Variants in PTPRD observed in about 807,000 individuals in gnomAD.
PTPRD encodes receptor-type tyrosine-protein phosphatase delta.
PTPRD carries 34 observed loss-of-function variants against 214.5 expected under a neutral mutation model. The observed-to-expected ratio is 0.16, with a 90% CI of 0.12 to 0.21. The LOEUF (loss-of-function observed/expected upper bound fraction) is 0.21, where lower values mean the gene tolerates loss of function less well. PTPRD is among the 10% of genes least tolerant of loss of function. PTPRD has a pLI of 1.00. For missense variants in PTPRD, 2,545 were observed against 2,398.7 expected (o/e 1.06, Z -1.27); for synonymous variants, 1,128 against 845.7 (o/e 1.33, Z -5.79).
intron 3 of PTPRD, among the ~76,000 whole-genome samples, chr9:10,260,466 G>A (rs1331467602): frequency 1.3e-5 from 2 of 152,094 alleles, no homozygotes; most frequent in African/African-American, 4.8e-5. Context: ...GGTCTTCCAA[G>A]TCAACATTTT....
At chr9:8,405,854 AC>A (rs1319723343) in intron 35 of PTPRD, among the ~76,000 whole-genome samples, 8 of 152,060 alleles carry the variant, frequency 5.3e-5, no homozygotes, top group Non-Finnish European at 7.4e-5. Flanking sequence ...AGTAAAACAT[AC>A]CCCCAACAGC....
chr9:9,890,374 T>C (rs2072844961), intron 5 of PTPRD, among the ~76,000 whole-genome samples: 1 of 151,856 alleles, frequency 6.6e-6, no homozygotes, highest in South Asian at 2.1e-4. Context: ...TTTTTTGAAT[T>C]TTTTATAGAG....
At chr9:10,069,116 G>T (rs1310168605) in intron 3 of PTPRD, among the ~76,000 whole-genome samples, 2 of 151,914 alleles carry the variant, frequency 1.3e-5, no homozygotes, top group African/African-American at 4.8e-5. Flanking sequence ...TCACAAAATG[G>T]CTTTCATCAT....
chr9:9,693,672 A>C (rs1489755403), intron 7 of PTPRD, among the ~76,000 whole-genome samples: 1 of 152,176 alleles, frequency 6.6e-6, no homozygotes, highest in African/African-American at 2.4e-5. Flanking sequence ...CCCTTCGAAT[A>C]AACTTTCTAC....
intron 9 of PTPRD, among the ~76,000 whole-genome samples, chr9:9,263,658 A>G (rs1328900639): frequency 6.6e-6 from 1 of 151,716 alleles, no homozygotes; most frequent in East Asian, 2.0e-4. Flanking sequence ...TAAAGTCATC[A>G]TATTGAAATT....
chr9:10,406,871 T>G (rs73404302), intron 2 of PTPRD, among the ~76,000 whole-genome samples: 6,464 of 151,640 alleles, frequency 0.043, 469 homozygotes, highest in African/African-American at 0.14. Context: ...AGGATCCCTG[T>G]GGTGAGTGGA....
In PTPRD at chr9:10,258,999, T is replaced by A. The variant is rs140154000; in HGVS notation, c.-545+81964A>T. Among the ~76,000 whole-genome samples, 123 of 152,192 alleles carry A rather than the reference T, an allele frequency of 8.1e-4. 2 individuals are homozygous for A. In the East Asian group the frequency reaches 0.023, roughly 29 times the overall value. On this transcript the variant is annotated intron_variant, in intron 3 of 45. Coordinates refer to ENST00000381196, the MANE Select transcript of PTPRD (RefSeq NM_002839.4). ...ATCTGTTTCTGTTGTTGTTGTTGTT[T>A]GTTTCTTTTGTTTTGTTTTGTTTTT...
At chr9:9,464,754 C>T (rs959973970) in intron 8 of PTPRD, among the ~76,000 whole-genome samples, 5 of 152,036 alleles carry the variant, frequency 3.3e-5, no homozygotes, top group Admixed American at 6.6e-5. Flanking sequence ...CAATGAGTAC[C>T]TTTTTATTTA....
At chr9:10,397,453 T>C (rs540209595) in intron 2 of PTPRD, among the ~76,000 whole-genome samples, 47 of 152,100 alleles carry the variant, frequency 3.1e-4, no homozygotes, top group African/African-American at 9.6e-4. Context: ...CCTTTTGTTT[T>C]TGGAGAGGGA....
At chr9:9,143,070 T>C (rs2099862990) in intron 10 of PTPRD, among the ~76,000 whole-genome samples, 2 of 152,140 alleles carry the variant, frequency 1.3e-5, no homozygotes, top group South Asian at 2.1e-4. Context: ...CTCTCACCCG[T>C]CTGGATGGTA....
intron 14 of PTPRD, among the ~76,000 whole-genome samples, chr9:8,585,754 A>C (rs1050301568): frequency 1.3e-5 from 2 of 152,226 alleles, no homozygotes; most frequent in Non-Finnish European, 2.9e-5. Context: ...AATTGCATTG[A>C]AAAAATGCTT....
intron 3 of PTPRD, among the ~76,000 whole-genome samples, chr9:10,332,904 T>C (rs2096777381): frequency 6.6e-6 from 1 of 151,862 alleles, no homozygotes; most frequent in Non-Finnish European, 1.5e-5. Flanking sequence ...TTCCAAGCTC[T>C]ACTGATCACC....
intron 3 of PTPRD, among the ~76,000 whole-genome samples, chr9:10,062,833 T>C (rs1339648344): frequency 1.3e-5 from 2 of 152,060 alleles, no homozygotes; most frequent in Non-Finnish European, 2.9e-5. Flanking sequence ...TTCTGAGTCA[T>C]GCCAGCTCAA....
rs926871711 is a variant in PTPRD at position 9,160,708 on chromosome 9, T to C, written c.-143+22596A>G. 1.8e-4 allele frequency among the ~76,000 whole-genome samples: 27 copies of C among 152,284 alleles called. No homozygotes were observed. In the South Asian group the frequency reaches 5.6e-3, roughly 32 times the overall value. On this transcript the variant is annotated intron_variant, in intron 10 of 45. Coordinates refer to ENST00000381196, the MANE Select transcript of PTPRD (RefSeq NM_002839.4). Reference sequence around the variant, plus strand: ...TACATTCAAAGGAATTAAAACAATATGTTAAAGGGATATCTGCATGCTCAT... The same window carrying C: ...TACATTCAAAGGAATTAAAACAATACGTTAAAGGGATATCTGCATGCTCAT...
intron 37 of PTPRD, among the ~76,000 whole-genome samples, chr9:8,379,162 A>G (rs1406454854): frequency 6.6e-6 from 1 of 152,196 alleles, no homozygotes; most frequent in East Asian, 1.9e-4. Flanking sequence ...TAAAGCGGAT[A>G]TGTCTAAATA....
At chr9:9,231,054 G>A (rs888097459) in intron 9 of PTPRD, among the ~76,000 whole-genome samples, 4 of 151,874 alleles carry the variant, frequency 2.6e-5, no homozygotes, top group African/African-American at 4.8e-5. Flanking sequence ...TATGTCTGTC[G>A]GGGGGAGGGG....
intron 3 of PTPRD, among the ~76,000 whole-genome samples, chr9:10,089,633 G>A (rs777277430): frequency 2.3e-4 from 35 of 151,660 alleles, no homozygotes; most frequent in Non-Finnish European, 4.6e-4. Context: ...AGGCAATACT[G>A]AAGAGTCATA....
At chr9:10,143,114 G>A (rs1302990550) in intron 3 of PTPRD, among the ~76,000 whole-genome samples, 2 of 152,016 alleles carry the variant, frequency 1.3e-5, no homozygotes, top group African/African-American at 4.8e-5. Flanking sequence ...TCACACTCTG[G>A]GGACTGTTGT....
intron 11 of PTPRD, among the ~76,000 whole-genome samples, chr9:8,805,360 T>C (rs1236500396): frequency 1.3e-5 from 2 of 152,142 alleles, no homozygotes; most frequent in Non-Finnish European, 2.9e-5. Flanking sequence ...ATTCTACATA[T>C]CCTTGAAGGC....
Sources: allele counts gnomAD v4.1 joint callset (sites outside exome capture counted in the v4.1 genomes callset), GRCh38; gene constraint gnomAD v4.1.1; transcripts MANE v1.5; gene names NCBI Gene and HGNC (gene_info 2026-07-23, HGNC 2026-07-21).